MCTP1: variants seen among roughly 807,000 people sequenced by gnomAD.
MCTP1 encodes multiple C2 and transmembrane domain-containing protein 1.
A neutral mutation model predicts 120.6 loss-of-function variants in MCTP1; 69 were observed. The observed-to-expected ratio is 0.57, with a 90% CI of 0.47 to 0.70. MCTP1 has a LOEUF of 0.70. MCTP1 is among the 30% of genes least tolerant of loss of function. The pLI, the probability that MCTP1 is intolerant of heterozygous loss-of-function variation, is 0.00. For synonymous variants in MCTP1, 529 were observed against 493.1 expected, an observed-to-expected ratio of 1.07 and a Z score of -0.96; for missense variants, 1,203 against 1,248.8, an observed-to-expected ratio of 0.96 and a Z score of 0.55.
At chr5:94,817,460 CAGA>C (rs548773720) in intron 17 of MCTP1, among the ~76,000 whole-genome samples, 137 of 151,592 alleles carry the variant, frequency 9.0e-4, no homozygotes, top group African/African-American at 3.3e-3. Context: ...GTTTACTATG[CAGA>C]AGGAGTTGAA....
intron 19 of MCTP1, among the ~76,000 whole-genome samples, chr5:94,747,532 C>T (rs6556852): frequency 0.38 from 58,387 of 151,806 alleles, 11,832 homozygotes; most frequent in African/African-American, 0.49. Flanking sequence ...TGAAAGCAGC[C>T]GTAGATAGTA....
At position 94,704,878 on chromosome 5, in the gene MCTP1, A is replaced by C. The variant is rs565181858; in HGVS notation, c.*2618T>G. On this transcript the variant is annotated 3_prime_UTR_variant, in exon 23 of 23. Coordinates refer to ENST00000515393, the MANE Select transcript of MCTP1 (RefSeq NM_024717.7). Reference sequence around the variant, plus strand: ...TCTGAGTTGGGAGATTCAATCAATCAATCAGTTTGAGTCTGGAACAGTACC... The same window carrying C: ...TCTGAGTTGGGAGATTCAATCAATCCATCAGTTTGAGTCTGGAACAGTACC... 34 of 151,144 alleles carry C rather than the reference A, an allele frequency of 2.2e-4. No individual in the cohort carries two copies. The highest frequency in any genetic ancestry group is 8.2e-4 in the African/African-American group (34 of 41,400). The allele number at this position is 151,144 out of a possible 1,614,324, so 9.4% of individuals were successfully genotyped here.
intron 2 of MCTP1, among the ~76,000 whole-genome samples, chr5:94,999,450 C>T (rs184940719): frequency 8.5e-5 from 13 of 152,196 alleles, no homozygotes; most frequent in African/African-American, 1.4e-4. Context: ...AAAAAAATAA[C>T]GTTGGCAAAG....
intron 1 of MCTP1, among the ~76,000 whole-genome samples, chr5:95,176,491 C>T (rs1260551186): frequency 6.6e-6 from 1 of 152,168 alleles, no homozygotes; most frequent in African/African-American, 2.4e-5. Context: ...TACTACTGCA[C>T]TCCAGCCTGG....
At chr5:94,788,405 C>T (rs1273551768) in intron 18 of MCTP1, among the ~76,000 whole-genome samples, 1 of 152,128 alleles carries the variant, frequency 6.6e-6, no homozygotes, top group African/African-American at 2.4e-5. Context: ...CGTTATTGGA[C>T]TCCTAATACT....
intron 17 of MCTP1, among the ~76,000 whole-genome samples, chr5:94,852,899 TA>T (rs1276112839): frequency 6.6e-6 from 1 of 151,992 alleles, no homozygotes; most frequent in African/African-American, 2.4e-5. Context: ...CACACTAAAA[TA>T]ATTTTCTTTA....
chr5:94,888,672 GTTTATT>G (rs1448968163), intron 12 of MCTP1, among the ~76,000 whole-genome samples: 2 of 152,132 alleles, frequency 1.3e-5, no homozygotes, highest in African/African-American at 4.8e-5. Context: ...GTTTTTTAGT[GTTTATT>G]TTTAATACAT....
At chr5:94,953,405 T>G (rs770673530) in intron 2 of MCTP1, 44 bp from the exon 3 acceptor site, 5 of 1,471,188 alleles carry the variant, frequency 3.4e-6, no homozygotes, top group Non-Finnish European at 4.5e-6. Context: ...TGACTTGGTT[T>G]GGAAGCAAGA....
chr5:94,879,829 T>C (rs1176872886), intron 12 of MCTP1, among the ~76,000 whole-genome samples: 1 of 152,138 alleles, frequency 6.6e-6, no homozygotes, highest in African/African-American at 2.4e-5. Context: ...AACCACACCC[T>C]GAGACCCAAA....
chr5:94,821,922 A>G (rs1785746681), intron 17 of MCTP1, among the ~76,000 whole-genome samples: 1 of 152,176 alleles, frequency 6.6e-6, no homozygotes, highest in Non-Finnish European at 1.5e-5. Flanking sequence ...TCTTTTTAGT[A>G]ACTGTGAATT....
At chr5:94,991,929 TG>T (rs1386958276) in intron 2 of MCTP1, among the ~76,000 whole-genome samples, 1 of 152,010 alleles carries the variant, frequency 6.6e-6, no homozygotes, top group African/African-American at 2.4e-5. Flanking sequence ...AATGAATGTA[TG>T]GGAAATATCC....
rs535859242 is a variant in MCTP1, at chr5:95,119,176, C to A, written c.721-101692G>T. Among the ~76,000 whole-genome samples, 7 of 152,286 alleles carry A rather than the reference C, an allele frequency of 4.6e-5. No homozygotes were observed. The South Asian group carries it at 1.5e-3, about 32-fold the overall frequency. On this transcript the variant is annotated intron_variant, in intron 1 of 22. Coordinates refer to ENST00000515393, the MANE Select transcript of MCTP1 (RefSeq NM_024717.7). ...AAAACATTCAAGAAAACTGAAATAACATCAAGCATCTTCCCCGAACACAAT... is the reference window on the plus strand; with the variant it reads ...AAAACATTCAAGAAAACTGAAATAAAATCAAGCATCTTCCCCGAACACAAT...
intron 17 of MCTP1, chr5:94,867,667 C>A (rs562202815): frequency 1.5e-5 from 5 of 337,136 alleles, no homozygotes; most frequent in Admixed American, 9.1e-5. Flanking sequence ...CCAGCTAAAG[C>A]TCAGAGCAAA....
chr5:94,966,172 C>G (rs761036101), intron 2 of MCTP1, among the ~76,000 whole-genome samples: 3 of 152,086 alleles, frequency 2.0e-5, no homozygotes, highest in Non-Finnish European at 2.9e-5. Context: ...AATATCGTAA[C>G]AATTAAGCTA....
At chr5:94,922,857 G>C (rs1165121185) in intron 7 of MCTP1, among the ~76,000 whole-genome samples, 2 of 152,112 alleles carry the variant, frequency 1.3e-5, no homozygotes, top group African/African-American at 2.4e-5. Flanking sequence ...CACTCATCCT[G>C]TGTGTTCCTG....
chr5:94,927,369 T>C (rs1231569758), intron 6 of MCTP1, among the ~76,000 whole-genome samples: 1 of 152,186 alleles, frequency 6.6e-6, no homozygotes, highest in Non-Finnish European at 1.5e-5. Context: ...ATAATACAGA[T>C]TTGGGAGTAC....
At chr5:95,099,962 T>C (rs1756596394) in intron 1 of MCTP1, among the ~76,000 whole-genome samples, 1 of 152,054 alleles carries the variant, frequency 6.6e-6, no homozygotes, top group Non-Finnish European at 1.5e-5. Flanking sequence ...GATGAGTTCA[T>C]GTCCTTTGTA....
intron 3 of MCTP1, among the ~76,000 whole-genome samples, chr5:94,942,902 T>C (rs114042750): frequency 0.019 from 2,849 of 152,186 alleles, 38 homozygotes; most frequent in Non-Finnish European, 0.028. Context: ...TATACTAAGG[T>C]TAAGTTAAAA....
In MCTP1 at chr5:95,119,959, T is replaced by G. The variant is rs187174670; in HGVS notation, c.721-102475A>C. On this transcript the variant is annotated intron_variant, in intron 1 of 22. Coordinates refer to ENST00000515393, the MANE Select transcript of MCTP1 (RefSeq NM_024717.7). ...AGGCCGAGGTGGGCAGATCACGAGG[T>G]CAGGAGATCGAGACCATCCTGGCTA... Among the ~76,000 whole-genome samples, 1,108 of 151,750 alleles carry G rather than the reference T, an allele frequency of 7.3e-3. 8 individuals carry two copies. Among genetic ancestry groups the G allele is most frequent in the Non-Finnish European group, 0.011 (729 of 67,920 alleles).
Sources: gnomAD v4.1 joint callset for allele counts (sites outside exome capture counted in the v4.1 genomes callset) on GRCh38, gnomAD v4.1.1 for gene constraint, MANE v1.5 for transcripts, NCBI Gene and HGNC (gene_info 2026-07-23, HGNC 2026-07-21) for gene names.